INPP4B: variants seen among roughly 807,000 people sequenced by gnomAD.
INPP4B encodes the protein inositol polyphosphate-4-phosphatase type II B.
A neutral mutation model predicts 122.5 loss-of-function variants in INPP4B; 55 were observed. The observed-to-expected ratio is 0.45, with a 90% confidence interval of 0.36 to 0.56. INPP4B has a LOEUF of 0.56. Among genes scored for constraint, INPP4B ranks in the 20% least tolerant of loss-of-function variants. The probability of loss-of-function intolerance (pLI) is 0.00; values close to 1 mark genes in which losing one functional copy is unlikely to be tolerated. For synonymous variants in INPP4B, 403 were observed against 388.7 expected (o/e 1.04, Z -0.43); for missense variants, 1,000 against 1,097.7 (o/e 0.91, Z 1.26).
intron 2 of INPP4B, among the ~76,000 whole-genome samples, chr4:142,700,151 G>A (rs115249458): frequency 0.011 from 1,743 of 151,860 alleles, 32 homozygotes; most frequent in African/African-American, 0.032. Flanking sequence ...CAAGCTTTGG[G>A]ACTCATCACT....
chr4:142,471,112 T>G (rs1161280806), intron 2 of INPP4B, among the ~76,000 whole-genome samples: 1 of 152,208 alleles, frequency 6.6e-6, no homozygotes, highest in Non-Finnish European at 1.5e-5. Context: ...ATTCTTTAAC[T>G]TTATCTCCGT....
chr4:142,787,474 A>G (rs1775921073), intron 1 of INPP4B, among the ~76,000 whole-genome samples: 1 of 152,094 alleles, frequency 6.6e-6, no homozygotes, highest in East Asian at 1.9e-4. Context: ...AGCCTCTAGA[A>G]CTATGAAAAA....
chr4:142,834,975 T>A (rs528723966), intron 1 of INPP4B, among the ~76,000 whole-genome samples: 11 of 152,362 alleles, frequency 7.2e-5, no homozygotes, highest in African/African-American at 2.6e-4. Flanking sequence ...TGTTTTCATT[T>A]GTTGCTGAGC....
intron 23 of INPP4B, among the ~76,000 whole-genome samples, chr4:142,086,885 T>C (rs1777109553): frequency 6.6e-6 from 1 of 152,208 alleles, no homozygotes; most frequent in South Asian, 2.1e-4. Flanking sequence ...AAGACATAGA[T>C]GTCATGAGAT....
chr4:142,316,838 G>A (rs1767888775), intron 7 of INPP4B, among the ~76,000 whole-genome samples: 1 of 152,174 alleles, frequency 6.6e-6, no homozygotes, highest in African/African-American at 2.4e-5. Flanking sequence ...GGTTATAACA[G>A]TGATGCTTTT....
At chr4:142,642,587 G>A (rs898173061) in intron 2 of INPP4B, among the ~76,000 whole-genome samples, 2 of 152,124 alleles carry the variant, frequency 1.3e-5, no homozygotes, top group Non-Finnish European at 2.9e-5. Context: ...TAGATGTGTG[G>A]TATTATTTCT....
chr4:142,686,740 C>G (rs940789417), intron 2 of INPP4B, among the ~76,000 whole-genome samples: 2 of 152,026 alleles, frequency 1.3e-5, no homozygotes, highest in Non-Finnish European at 2.9e-5. Flanking sequence ...ATAATATTTG[C>G]TTATTCCTGG....
intron 23 of INPP4B, among the ~76,000 whole-genome samples, chr4:142,087,394 T>C (rs934045979): frequency 3.9e-5 from 6 of 152,182 alleles, no homozygotes; most frequent in Non-Finnish European, 7.3e-5. Context: ...CACTTTATAC[T>C]AAAAACGGAG....
At chr4:142,678,540 T>C (rs1200549967) in intron 2 of INPP4B, among the ~76,000 whole-genome samples, 2 of 151,892 alleles carry the variant, frequency 1.3e-5, no homozygotes, top group African/African-American at 4.8e-5. Flanking sequence ...CTTAGGTTTA[T>C]TTTGGCTCTG....
chr4:142,611,857 TG>T (rs1216272002), intron 2 of INPP4B, among the ~76,000 whole-genome samples: 2 of 151,894 alleles, frequency 1.3e-5, no homozygotes, highest in Non-Finnish European at 2.9e-5. Flanking sequence ...TTAGTAGAGA[TG>T]GGGTTTCACC....
intron 21 of INPP4B, among the ~76,000 whole-genome samples, 179 bp from the exon 22 acceptor site, chr4:142,112,861 T>C (rs1790923265): frequency 6.6e-6 from 1 of 152,174 alleles, no homozygotes; most frequent in Admixed American, 6.6e-5. Context: ...ATAAAAATTG[T>C]AAGAATTCAT....
intron 7 of INPP4B, chr4:142,383,752 C>G: frequency 3.7e-6 from 1 of 269,400 alleles, no homozygotes; most frequent in Non-Finnish European, 6.9e-6. Flanking sequence ...CAAGGATAAT[C>G]ATTAATATTC....
chr4:142,620,398 C>G (rs909655089), intron 2 of INPP4B, among the ~76,000 whole-genome samples: 2 of 151,910 alleles, frequency 1.3e-5, no homozygotes, highest in Non-Finnish European at 2.9e-5. Flanking sequence ...TGAATTAATG[C>G]AGGAACAGAA....
At position 142,112,024 on chromosome 4, in the gene INPP4B, G is replaced by A. The variant is rs976350791; in HGVS notation, c.2276+518C>T. 3.2e-4 allele frequency among the ~76,000 whole-genome samples: 48 copies of A among 151,818 alleles called. 1 individual carries two copies. The highest frequency in any genetic ancestry group is 1.0e-3 in the African/African-American group (43 of 41,320). On this transcript the variant is annotated intron_variant, in intron 22 of 25. Coordinates refer to ENST00000262992, the MANE Select transcript of INPP4B (RefSeq NM_001101669.3). ...CTCCCAAAGTGCTGGGATTACAGGCGTAAGCCACCACGACCAGCAAAAAAA... is the reference window on the plus strand; with the variant it reads ...CTCCCAAAGTGCTGGGATTACAGGCATAAGCCACCACGACCAGCAAAAAAA...
chr4:142,338,555 C>T (rs1777631616), intron 7 of INPP4B, among the ~76,000 whole-genome samples: 1 of 152,140 alleles, frequency 6.6e-6, no homozygotes, highest in Non-Finnish European at 1.5e-5. Context: ...AATAATATTG[C>T]TGCTATATGG....
chr4:142,636,236 C>A (rs535503767), intron 2 of INPP4B, among the ~76,000 whole-genome samples: 2 of 152,250 alleles, frequency 1.3e-5, no homozygotes, highest in Non-Finnish European at 2.9e-5. Context: ...AATTAAACCT[C>A]TTTTCTTTAT....
intron 1 of INPP4B, among the ~76,000 whole-genome samples, chr4:142,798,030 A>G (rs2151082820): frequency 6.6e-6 from 1 of 151,930 alleles, no homozygotes; most frequent in East Asian, 1.9e-4. Context: ...ATAGGGACAG[A>G]AAAACACTGG....
chr4:142,500,398 T>C (rs1486483634), intron 2 of INPP4B, among the ~76,000 whole-genome samples: 1 of 152,170 alleles, frequency 6.6e-6, no homozygotes, highest in Non-Finnish European at 1.5e-5. Flanking sequence ...ATAGTAATTG[T>C]AGATTCTAGC....
intron 1 of INPP4B, chr4:142,767,640 G>T (rs1015037898): frequency 6.6e-6 from 1 of 152,164 alleles, no homozygotes; most frequent in Non-Finnish European, 1.5e-5. Context: ...TTGGATGCAG[G>T]TATTTGGCTT....
Sources: gnomAD v4.1 joint callset for allele counts (sites outside exome capture counted in the v4.1 genomes callset) on GRCh38, gnomAD v4.1.1 for gene constraint, MANE v1.5 for transcripts, NCBI Gene and HGNC (gene_info 2026-07-23, HGNC 2026-07-21) for gene names.